The following SEMA6D variants were observed in gnomAD, a reference collection of about 807,000 sequenced individuals.
SEMA6D encodes the protein semaphorin 6D.
Under a neutral mutation model 106.6 loss-of-function variants are expected in SEMA6D, and 35 were observed. The observed-to-expected ratio is 0.33, with a 90% confidence interval of 0.25 to 0.44. The LOEUF (loss-of-function observed/expected upper bound fraction) is 0.44. SEMA6D is among the 20% of genes least tolerant of loss of function. SEMA6D has a pLI of 1.00. For missense variants in SEMA6D, 1,185 were observed against 1,345.9 expected, an observed-to-expected ratio of 0.88 and a Z score of 1.87; for synonymous variants, 499 against 487.7, an observed-to-expected ratio of 1.02 and a Z score of -0.31.
At chr15:47,190,782 C>T (rs1420905716) in intron 1 of SEMA6D, among the ~76,000 whole-genome samples, 2 of 152,194 alleles carry the variant, frequency 1.3e-5, no homozygotes, top group African/African-American at 2.4e-5. Flanking sequence ...GAATGTACAA[C>T]TTAGCCTGCC....
At chr15:47,355,153 G>A (rs2038517072) in intron 1 of SEMA6D, among the ~76,000 whole-genome samples, 1 of 151,804 alleles carries the variant, frequency 6.6e-6, no homozygotes, top group South Asian at 2.1e-4. Flanking sequence ...AAGAGGGAGA[G>A]GCTAAGGGAG....
At chr15:47,507,584 T>C (rs2141713637) in intron 3 of SEMA6D, among the ~76,000 whole-genome samples, 1 of 152,310 alleles carries the variant, frequency 6.6e-6, no homozygotes, top group East Asian at 1.9e-4. Context: ...GAACTGTCTG[T>C]TTGTTCAACT....
At chr15:47,703,424 A>G (rs1159979414) in intron 4 of SEMA6D, among the ~76,000 whole-genome samples, 2 of 152,198 alleles carry the variant, frequency 1.3e-5, no homozygotes, top group African/African-American at 4.8e-5. Flanking sequence ...TTTATGACAT[A>G]GGCTCTAACT....
At chr15:47,300,429 G>A (rs1393699335) in intron 1 of SEMA6D, among the ~76,000 whole-genome samples, 2 of 151,992 alleles carry the variant, frequency 1.3e-5, no homozygotes, top group African/African-American at 2.4e-5. Context: ...TTGAGTCCTG[G>A]GGGGGTGGGC....
At chr15:47,348,884 G>A (rs2038196635) in intron 1 of SEMA6D, among the ~76,000 whole-genome samples, 1 of 152,104 alleles carries the variant, frequency 6.6e-6, no homozygotes, top group Admixed American at 6.5e-5. Context: ...GTCCTGTAGA[G>A]GATGGAAGAG....
At chr15:47,421,571 A>C (rs2041157183) in intron 2 of SEMA6D, among the ~76,000 whole-genome samples, 1 of 152,032 alleles carries the variant, frequency 6.6e-6, no homozygotes. Flanking sequence ...TGGCATCTGC[A>C]ACTGTTCATT....
At chr15:47,588,545 G>C (rs1234965221) in intron 3 of SEMA6D, among the ~76,000 whole-genome samples, 1 of 152,168 alleles carries the variant, frequency 6.6e-6, no homozygotes, top group African/African-American at 2.4e-5. Flanking sequence ...CATAAGAACT[G>C]CACACATCTG....
chr15:47,397,303 G>A (rs1256550371), intron 1 of SEMA6D, among the ~76,000 whole-genome samples: 1 of 152,190 alleles, frequency 6.6e-6, no homozygotes, highest in Non-Finnish European at 1.5e-5. Flanking sequence ...TGCATGTAGA[G>A]CTTATTTAAA....
intron 1 of SEMA6D, among the ~76,000 whole-genome samples, chr15:47,733,020 G>A (rs914277500): frequency 3.3e-5 from 5 of 152,136 alleles, no homozygotes; most frequent in East Asian, 3.8e-4. Flanking sequence ...ATGCTAACTC[G>A]ATTCTCTTCA....
intron 1 of SEMA6D, among the ~76,000 whole-genome samples, chr15:47,335,579 A>G (rs1017270144): frequency 2.0e-5 from 3 of 152,086 alleles, no homozygotes; most frequent in African/African-American, 4.8e-5. Flanking sequence ...TACCCAGATT[A>G]TGGTAAATTC....
At chr15:47,711,102 G>A (rs1005964836) in intron 4 of SEMA6D, among the ~76,000 whole-genome samples, 2 of 152,006 alleles carry the variant, frequency 1.3e-5, no homozygotes, top group African/African-American at 2.4e-5. Context: ...GAGGTCAGGA[G>A]ATCGAGACCA....
At chr15:47,448,780 ATCT>A (rs761326699) in intron 2 of SEMA6D, among the ~76,000 whole-genome samples, 20 of 152,164 alleles carry the variant, frequency 1.3e-4, no homozygotes, top group Middle Eastern at 3.4e-3. Context: ...TGAGGTGAAC[ATCT>A]TCTTCCAATG....
At chr15:47,461,450 T>C (rs748691080) in intron 2 of SEMA6D, among the ~76,000 whole-genome samples, 1 of 152,136 alleles carries the variant, frequency 6.6e-6, no homozygotes, top group Non-Finnish European at 1.5e-5. Context: ...AGGAGTCATC[T>C]GTAATATTTG....
rs184494581 is a variant in SEMA6D at position 47,494,999 on chromosome 15, G to A, written c.-87+24454G>A. Among the ~76,000 whole-genome samples the A allele has an allele frequency of 2.4e-3, 358 of 150,968 alleles. 1 individual carries two copies. The highest frequency in any genetic ancestry group is 8.2e-3 in the African/African-American group (338 of 41,240). ...TGTAGTAATGTTTAACTATTCCCAC[G>A]CTTTGATTACCATACCAGTATCTCA... On this transcript the variant is annotated intron_variant, in intron 3 of 19. Transcript: ENST00000558014.
Position 47,234,212 on chromosome 15 carries a change from A to G in SEMA6D, c.-239+49794A>G, listed in dbSNP as rs148883437. 3.5e-3 allele frequency among the ~76,000 whole-genome samples: 529 copies of G among 152,144 alleles called. 4 individuals carry two copies. The highest frequency in any genetic ancestry group is 0.012 in the African/African-American group (500 of 41,548). On this transcript the variant is annotated intron_variant, in intron 1 of 19. Coordinates refer to the SEMA6D transcript ENST00000558014. The stretch of plus-strand genomic sequence containing the variant: ...TGTTCACAAGCTCAGGAAAGACCTA[A>G]GAAGACCCAAAGCAATCACCTCTGG...
At chr15:47,645,662 GA>G (rs1487192126) in intron 4 of SEMA6D, among the ~76,000 whole-genome samples, 4 of 152,032 alleles carry the variant, frequency 2.6e-5, no homozygotes, top group Non-Finnish European at 5.9e-5. Flanking sequence ...TGTCTACCTG[GA>G]GATAGCATCA....
At chr15:47,487,190 A>G (rs1427878094) in intron 3 of SEMA6D, among the ~76,000 whole-genome samples, 3 of 152,210 alleles carry the variant, frequency 2.0e-5, no homozygotes, top group South Asian at 2.1e-4. Context: ...CAAGACTTTC[A>G]GTTGCAAGTG....
intron 3 of SEMA6D, among the ~76,000 whole-genome samples, chr15:47,487,714 G>A (rs2043338665): frequency 2.0e-5 from 3 of 152,134 alleles, no homozygotes; most frequent in South Asian, 4.2e-4. Flanking sequence ...TAGATATTTA[G>A]CTTGTCTCTA....
At chr15:47,246,650 CTT>C (rs2033222121) in intron 1 of SEMA6D, among the ~76,000 whole-genome samples, 1 of 152,204 alleles carries the variant, frequency 6.6e-6, no homozygotes, top group Non-Finnish European at 1.5e-5. Flanking sequence ...CATTGCGTCT[CTT>C]TCTCTGACCA....
Sources: allele counts gnomAD v4.1 joint callset (sites outside exome capture counted in the v4.1 genomes callset), GRCh38; gene constraint gnomAD v4.1.1; transcripts MANE v1.5; gene names NCBI Gene and HGNC (gene_info 2026-07-23, HGNC 2026-07-21).